TENM2: variants seen among roughly 807,000 people sequenced by gnomAD.
The protein encoded by TENM2 is teneurin transmembrane protein 2.
Under a neutral mutation model 245.2 loss-of-function variants are expected in TENM2, and 52 were observed. That is an observed-to-expected ratio of 0.21 (90% confidence interval 0.17 to 0.27). TENM2 has a LOEUF of 0.27. Among genes scored for constraint, TENM2 ranks in the 10% least tolerant of loss-of-function variants. The probability of loss-of-function intolerance (pLI) is 1.00; values close to 1 mark genes in which losing one functional copy is unlikely to be tolerated. For synonymous variants in TENM2, 1,363 were observed against 1,438.9 expected, an observed-to-expected ratio of 0.95 and a Z score of 1.19; for missense variants, 3,046 against 3,666.8, an observed-to-expected ratio of 0.83 and a Z score of 4.37.
intron 2 of TENM2, among the ~76,000 whole-genome samples, chr5:167,723,322 T>G (rs1429248473): frequency 6.6e-6 from 1 of 152,190 alleles, no homozygotes; most frequent in African/African-American, 2.4e-5. Flanking sequence ...TCTCCCTTGC[T>G]CACTCTTGTG....
intron 2 of TENM2, among the ~76,000 whole-genome samples, chr5:167,598,771 G>A (rs1776395164): frequency 6.6e-6 from 1 of 151,796 alleles, no homozygotes; most frequent in South Asian, 2.1e-4. Flanking sequence ...AATGTCGGAG[G>A]CAATGAGTAA....
chr5:168,262,874 C>G, exon 29 of TENM2: 1 of 1,414,140 alleles, frequency 7.1e-7, no homozygotes, highest in Non-Finnish European at 9.6e-7. Context: ...ATCTCCTCTC[C>G]TAAGGAGATG....
chr5:167,706,920 C>G lies in TENM2; in HGVS notation c.503-169066C>G, dbSNP rs562141974. ...GTCCCAGCTACTTGGGAGGCTGAGGCAGGAGAATGGCGTGAACCCGGGAGG... is the reference window on the plus strand; with the variant it reads ...GTCCCAGCTACTTGGGAGGCTGAGGGAGGAGAATGGCGTGAACCCGGGAGG... On this transcript the variant is annotated intron_variant, in intron 2 of 28. Coordinates refer to ENST00000518659, the Ensembl canonical transcript of TENM2. Among the ~76,000 whole-genome samples, 129 of 147,160 alleles carry G rather than the reference C, an allele frequency of 8.8e-4. 1 individual carries two copies. The highest frequency in any genetic ancestry group is 3.5e-3 in the Middle Eastern group (1 of 282).
At chr5:167,364,176 CTTTT>C (rs931460956) in intron 1 of TENM2, among the ~76,000 whole-genome samples, 4 of 151,880 alleles carry the variant, frequency 2.6e-5, no homozygotes, top group African/African-American at 9.7e-5. Context: ...ATGACTGAGA[CTTTT>C]TTTATATTAA....
At chr5:167,184,791 C>CA in the TENM2 span, among the ~76,000 whole-genome samples, 2 of 152,170 alleles carry the variant, frequency 1.3e-5, no homozygotes, top group East Asian at 3.9e-4. Flanking sequence ...AAGCTGATCT[C>CA]AAACTGGCCC....
chr5:167,378,581 A>C (rs987188723), intron 2 of TENM2, among the ~76,000 whole-genome samples: 2 of 152,062 alleles, frequency 1.3e-5, no homozygotes, highest in Non-Finnish European at 2.9e-5. Flanking sequence ...GAGAGTTGAG[A>C]ACAGCCCGGC....
At chr5:168,111,296 T>C (rs1794649281) in intron 9 of TENM2, among the ~76,000 whole-genome samples, 1 of 152,136 alleles carries the variant, frequency 6.6e-6, no homozygotes. Context: ...AGCTGAACTT[T>C]GGCCCTCTGA....
intron 2 of TENM2, among the ~76,000 whole-genome samples, chr5:167,632,047 C>T (rs1438971061): frequency 6.6e-6 from 1 of 152,108 alleles, no homozygotes; most frequent in African/African-American, 2.4e-5. Context: ...ATGTTCACTG[C>T]CCCAAGAAAG....
intron 17 of TENM2, among the ~76,000 whole-genome samples, chr5:168,202,530 G>A (rs144336641): frequency 2.7e-5 from 4 of 149,262 alleles, no homozygotes; most frequent in Non-Finnish European, 5.9e-5. Context: ...GATAAAGTAG[G>A]CTGGTGTCAT....
chr5:167,939,696 C>T (rs1289908008), intron 3 of TENM2, among the ~76,000 whole-genome samples: 1 of 152,182 alleles, frequency 6.6e-6, no homozygotes. Flanking sequence ...TCCAAAAAGT[C>T]TTCCTGAAAG....
chr5:167,652,043 C>A (rs200419130), intron 2 of TENM2, among the ~76,000 whole-genome samples: 1 of 142,410 alleles, frequency 7.0e-6, no homozygotes, highest in Non-Finnish European at 1.5e-5. Flanking sequence ...ATTTCACTAA[C>A]CTTTTTCTCT....
At chr5:167,117,958 C>A in the TENM2 span, among the ~76,000 whole-genome samples, 1 of 152,066 alleles carries the variant, frequency 6.6e-6, no homozygotes, top group East Asian at 1.9e-4. Context: ...AATGAGACAT[C>A]CACACCATGG....
At chr5:167,042,086 G>A in the TENM2 span, among the ~76,000 whole-genome samples, 51 of 152,178 alleles carry the variant, frequency 3.4e-4, 1 homozygote, top group South Asian at 5.0e-3. Flanking sequence ...TTTATTACCC[G>A]TTAATTTCCT....
intron 2 of TENM2, among the ~76,000 whole-genome samples, chr5:167,414,471 T>C (rs144368397): frequency 3.3e-5 from 5 of 152,126 alleles, no homozygotes; most frequent in Middle Eastern, 3.4e-3. Context: ...ATGGATAAAA[T>C]TGGTTCTGAT....
the TENM2 span, among the ~76,000 whole-genome samples, chr5:167,237,112 T>C: frequency 1.3e-5 from 2 of 152,264 alleles, no homozygotes; most frequent in East Asian, 3.9e-4. Flanking sequence ...GGAACCCCTG[T>C]TTTCTGTCAG....
the TENM2 span, among the ~76,000 whole-genome samples, chr5:167,162,482 G>T: frequency 6.6e-6 from 1 of 151,886 alleles, no homozygotes. Context: ...ACAAAATTTA[G>T]CTGGGTGTGG....
At chr5:167,159,886 C>A in the TENM2 span, among the ~76,000 whole-genome samples, 1 of 152,136 alleles carries the variant, frequency 6.6e-6, no homozygotes, top group African/African-American at 2.4e-5. Context: ...AGAGGGCATT[C>A]TTTCTGCAAT....
the TENM2 span, among the ~76,000 whole-genome samples, chr5:167,184,561 C>T: frequency 1.1e-4 from 17 of 152,150 alleles, no homozygotes; most frequent in East Asian, 1.9e-4. Context: ...GATCACTTTG[C>T]GAGTGTTTGG....
intron 13 of TENM2, among the ~76,000 whole-genome samples, chr5:168,178,886 A>C (rs890978701): frequency 6.6e-6 from 1 of 152,046 alleles, no homozygotes; most frequent in Non-Finnish European, 1.5e-5. Flanking sequence ...AGAAGTCAAG[A>C]GGCTTCGGGA....
Sources: allele counts gnomAD v4.1 joint callset (sites outside exome capture counted in the v4.1 genomes callset), GRCh38; gene constraint gnomAD v4.1.1; transcripts MANE v1.5; gene names NCBI Gene and HGNC (gene_info 2026-07-23, HGNC 2026-07-21).